Variants in TARM1 observed in about 807,000 individuals in gnomAD.
The protein encoded by TARM1 is T-cell-interacting, activating receptor on myeloid cells protein 1.
TARM1 carries 24 observed loss-of-function variants against 30.4 expected under a neutral mutation model. That is an observed-to-expected ratio of 0.79 (90% CI 0.57 to 1.11). The LOEUF is 1.11. Among genes scored for constraint, TARM1 ranks in the 50% least tolerant of loss-of-function variants. TARM1 has a pLI of 0.00. For synonymous variants in TARM1, 129 were observed against 138.9 expected, an observed-to-expected ratio of 0.93 and a Z score of 0.50; for missense variants, 323 against 332.8, an observed-to-expected ratio of 0.97 and a Z score of 0.23.
chr19:54,078,061 T>C (rs1392757891), intron 1 of TARM1, among the ~76,000 whole-genome samples: 4 of 151,972 alleles, frequency 2.6e-5, no homozygotes, highest in Non-Finnish European at 5.9e-5. Flanking sequence ...TAATTTTGTA[T>C]TTTTTAGTAG....
rs962150781 is a variant in TARM1 at position 54,072,630 on chromosome 19, C to T, written c.658+1290G>A. On this transcript the variant is annotated intron_variant, in intron 4 of 4. Coordinates refer to ENST00000432826, the MANE Select transcript of TARM1 (RefSeq NM_001135686.3). ...AAGTGCTGGGATTACAGGCCTGAGCCACCACACATGACTGAGAAAGAATTA... is the reference window on the plus strand; with the variant it reads ...AAGTGCTGGGATTACAGGCCTGAGCTACCACACATGACTGAGAAAGAATTA... Among the ~76,000 whole-genome samples the T allele has an allele frequency of 2.6e-5, 4 of 152,140 alleles. No individual in the cohort carries two copies. In the East Asian group the frequency reaches 5.8e-4, roughly 22 times the overall value.
Position 54,081,289 on chromosome 19 carries a change from T to A in TARM1, c.34+18A>T. ...CATGATTTTCTGCAGTCCCAGTGGA[T>A]AGCCCTGTGAGACTTACTGAAACAG... On this transcript the variant is annotated intron_variant, in intron 1 of 4. Transcript: ENST00000432826. 6.5e-7 allele frequency: 1 copy of A among 1,548,284 alleles called. No homozygotes were observed. Among genetic ancestry groups the A allele is most frequent in the Non-Finnish European group, 8.7e-7 (1 of 1,145,880 alleles).
intron 4 of TARM1, among the ~76,000 whole-genome samples, chr19:54,073,137 G>A (rs2071851718): frequency 1.3e-5 from 2 of 149,572 alleles, no homozygotes; most frequent in East Asian, 2.1e-4. Context: ...GGCCGGGCAC[G>A]GTGGCTCACA....
chr19:54,075,098 C>A lies in TARM1; in HGVS notation c.87G>T (p.Pro29=). 1 of 1,551,268 alleles carries A rather than the reference C, an allele frequency of 6.4e-7. No homozygotes were observed. The highest frequency in any genetic ancestry group is 8.7e-7 in the Non-Finnish European group (1 of 1,146,910). Residue 29 remains proline, a synonymous_variant, in exon 3 of 5, where the codon CCG becomes CCT. Transcript: ENST00000432826. ...CCGAGCTGGGCCAGGCACTGAGGGA[C>A]GGCTTGGGCAGTGACCCTGGAAGGA... The part of the protein sequence containing the change: ...DTRGDGSLPK[P]SLSAWPSSVV...
chr19:54,076,209 C>A (rs932793157), intron 1 of TARM1: 26 of 1,514,630 alleles, frequency 1.7e-5, no homozygotes, highest in Admixed American at 8.8e-5. Context: ...AAACAGCACT[C>A]ATTCTTACCA....
intron 1 of TARM1, among the ~76,000 whole-genome samples, chr19:54,080,561 AAAGGAAGG>A (rs199531286): frequency 1.3e-5 from 2 of 150,104 alleles, no homozygotes; most frequent in East Asian, 2.0e-4. Flanking sequence ...AAAAAGAAAG[AAAGGAAGG>A]AAGGAAGGAA....
Position 54,075,012 on chromosome 19 carries a change from A to G in TARM1, c.173T>C (p.Phe58Ser). Residue 58 changes from phenylalanine to serine, a missense_variant, in exon 3 of 5, where the codon TTT (phenylalanine) becomes TCT (serine). Phe to Ser is a radical substitution (Grantham distance 155). Transcript: ENST00000432826. ...RCWTPARGVSFVLRKGGIILE... is the reference protein window; with the variant it reads ...RCWTPARGVSSVLRKGGIILE... ...AATAATTCCTCCCTTCCTGAGAACA[A>G]AGCTCACACCTCTGGCAGGAGTCCA... The G allele has an allele frequency of 6.4e-7, 1 of 1,551,436 alleles. No individual in the cohort carries two copies. The highest frequency in any genetic ancestry group is 8.7e-7 in the Non-Finnish European group (1 of 1,146,952).
In TARM1 at chr19:54,074,111, A is replaced by G. The variant is rs373601559; in HGVS notation, c.467T>C (p.Ile156Thr). The G allele has an allele frequency of 3.2e-5, 50 of 1,551,592 alleles. No homozygotes were observed. The highest frequency in any genetic ancestry group is 4.2e-5 in the Non-Finnish European group (48 of 1,147,002). Residue 156 changes from isoleucine (I) to threonine (T), a missense_variant, in exon 4 of 5, where the codon ATC (isoleucine) becomes ACC (threonine). Physicochemically the swap from Ile to Thr is moderately conservative, Grantham distance 89 (BLOSUM62 -1). Coordinates refer to ENST00000432826, the MANE Select transcript of TARM1 (RefSeq NM_001135686.3). Reference sequence around the variant, plus strand: ...CCCTGCCTTCAGTAGAGCGAACATGATAGGCACAAACAATTGGTCTCGCTT... The same window carrying G: ...CCCTGCCTTCAGTAGAGCGAACATGGTAGGCACAAACAATTGGTCTCGCTT... ...CQKRDQLFVPIMFALLKAGTP... is the reference protein window; with the variant it reads ...CQKRDQLFVPTMFALLKAGTP...
At chr19:54,074,509 C>G (rs1170623453) in intron 3 of TARM1, among the ~76,000 whole-genome samples, 3 of 152,090 alleles carry the variant, frequency 2.0e-5, no homozygotes, top group Non-Finnish European at 2.9e-5. Flanking sequence ...ATGGCGAAAC[C>G]CTGTCTCTAC....
At chr19:54,070,261 G>A (rs1457897633) in intron 4 of TARM1, 101 bp from the exon 5 acceptor site, 1 of 1,445,950 alleles carries the variant, frequency 6.9e-7, no homozygotes, top group African/African-American at 1.4e-5. Context: ...AATGTTTTCG[G>A]TTTTTTGGTT....
rs747969323 is a variant in TARM1, at chr19:54,074,235, T to C, written c.362-19A>G. 6.5e-7 allele frequency: 1 copy of C among 1,545,086 alleles called. No homozygotes were observed. Among genetic ancestry groups the C allele is most frequent in the South Asian group, 1.2e-5 (1 of 83,768 alleles). ...AAATGTCCTGTAAGAGAAGTCAGGT[T>C]CTGAGGTCCTGGGGAGAAGTCTGGA... is the stretch of plus-strand genomic sequence containing the variant. On this transcript the variant is annotated intron_variant, in intron 3 of 4. Coordinates refer to ENST00000432826, the MANE Select transcript of TARM1 (RefSeq NM_001135686.3).
Position 54,073,407 on chromosome 19 carries a change from C to CAAA in TARM1, c.658+510_658+512dup, listed in dbSNP as rs745643672. ...CTGGCAACAGAGTGAGACTCCATTTCAAAAAAAAAAAAAAAAAAAAAAAAG... is the reference window on the plus strand; with the variant it reads ...CTGGCAACAGAGTGAGACTCCATTTCAAAAAAAAAAAAAAAAAAAAAAAAAAAG... On this transcript the variant is annotated intron_variant, in intron 4 of 4. Coordinates refer to ENST00000432826, the MANE Select transcript of TARM1 (RefSeq NM_001135686.3). 9.0e-3 allele frequency among the ~76,000 whole-genome samples: 596 copies of CAAA among 66,114 alleles called. 16 individuals carry two copies. The highest frequency in any genetic ancestry group is 0.03 in the African/African-American group (490 of 16,358). The allele number at this position is 66,114 out of a possible 152,430, so 43.4% of individuals were successfully genotyped here. A position where few individuals can be genotyped will look rare whatever the true frequency, so the allele number is the denominator to read the frequency against.
At chr19:54,080,877 C>T (rs1164977566) in intron 1 of TARM1, among the ~76,000 whole-genome samples, 1 of 152,016 alleles carries the variant, frequency 6.6e-6, no homozygotes, top group Admixed American at 6.6e-5. Flanking sequence ...GAGGCTGAAG[C>T]AGGAGAATCG....
intron 2 of TARM1, 72 bp downstream of exon 2, chr19:54,075,811 G>A (rs1206120714): frequency 6.8e-7 from 1 of 1,479,028 alleles, no homozygotes; most frequent in East Asian, 2.5e-5. Flanking sequence ...AGAAAAAGAG[G>A]GGGAAGGGGA....
At chr19:54,071,342 G>A (rs4806702) in intron 4 of TARM1, among the ~76,000 whole-genome samples, 43,953 of 151,852 alleles carry the variant, frequency 0.29, 6,557 homozygotes, top group Middle Eastern at 0.34. Flanking sequence ...CTCTTCCTTC[G>A]TTTATTTGCT....
rs964149186 is a variant in TARM1, at chr19:54,070,285, C to T, written c.659-125G>A. The T allele has an allele frequency of 3.2e-5, 44 of 1,375,410 alleles. No homozygotes were observed. The African/African-American group carries it at 4.6e-4, about 14-fold the overall frequency. 85.2% of individuals were successfully genotyped at this position (1,375,410 alleles called of 1,614,324 possible). A position where few individuals can be genotyped will look rare whatever the true frequency, so the allele number is the denominator to read the frequency against. On this transcript the variant is annotated intron_variant, in intron 4 of 4. Coordinates refer to ENST00000432826, the MANE Select transcript of TARM1 (RefSeq NM_001135686.3). ...GGTTTTTTGGTTTTTTTTTTTGAGA[C>T]GGAGTTTTACTCTTGTTGACCAGGC... is the stretch of plus-strand genomic sequence containing the variant.
chr19:54,076,279 TTC>T (rs768899453), intron 1 of TARM1: 78 of 1,404,032 alleles, frequency 5.6e-5, no homozygotes, highest in Non-Finnish European at 6.6e-5. Context: ...CTTTCATTCA[TTC>T]TTTCTTTCAT....
At chr19:54,078,793 G>A (rs587634463) in intron 1 of TARM1, among the ~76,000 whole-genome samples, 1 of 152,200 alleles carries the variant, frequency 6.6e-6, no homozygotes, top group Admixed American at 6.6e-5. Flanking sequence ...GTGAGACACT[G>A]TGCTCGGCCT....
intron 1 of TARM1, among the ~76,000 whole-genome samples, chr19:54,079,087 T>C (rs2072030630): frequency 1.1e-5 from 1 of 88,430 alleles, no homozygotes; most frequent in Non-Finnish European, 2.1e-5. Flanking sequence ...AAACCTTGTC[T>C]CTACTAAAAA....
Sources: gnomAD v4.1 joint callset for allele counts (sites outside exome capture counted in the v4.1 genomes callset) on GRCh38, gnomAD v4.1.1 for gene constraint, MANE v1.5 for transcripts, NCBI Gene and HGNC (gene_info 2026-07-23, HGNC 2026-07-21) for gene names.